Variants in C20orf96 observed in about 807,000 individuals in gnomAD.
The protein encoded by C20orf96 is chromosome 20 open reading frame 96.
Under a neutral mutation model 52.6 loss-of-function variants are expected in C20orf96, and 57 were observed. That is an observed-to-expected ratio of 1.08 (90% CI 0.88 to 1.35). C20orf96 has a LOEUF of 1.35. Among genes scored for constraint, C20orf96 ranks in the 40% most tolerant of loss-of-function variants. The pLI, the probability that C20orf96 is intolerant of heterozygous loss-of-function variation, is 0.00. For synonymous variants in C20orf96, 168 were observed against 157.2 expected (o/e 1.07, Z -0.51); for missense variants, 478 against 443.6 (o/e 1.08, Z -0.70).
rs1046604299 is a variant in C20orf96, at chr20:277,035, G to A, written c.825+9C>T. On this transcript the variant is annotated intron_variant, in intron 8 of 10. Transcript: ENST00000360321. ...GATCCCCGCTCCCACACAGCAACTG[G>A]CTACTCACCGCCACCACAGAACTCA... The A allele has an allele frequency of 6.2e-7, 1 of 1,611,594 alleles. No homozygotes were observed.
intron 3 of C20orf96, among the ~76,000 whole-genome samples, chr20:287,309 C>T (rs932933455): frequency 1.3e-5 from 2 of 152,214 alleles, no homozygotes; most frequent in African/African-American, 4.8e-5. Flanking sequence ...TCTGACGTCT[C>T]CTCTTTGCTA....
Position 271,043 on chromosome 20 carries a change from AAGGG to A in C20orf96, c.*160_*163del, listed in dbSNP as rs368225357. The A allele has an allele frequency of 2.1e-3, 1,085 of 508,120 alleles. 9 individuals are homozygous for A. The highest frequency in any genetic ancestry group is 0.015 in the East Asian group (393 of 26,030). The allele number at this position is 508,120 out of a possible 1,614,324, so 31.5% of individuals were successfully genotyped here. A position where few individuals can be genotyped will look rare whatever the true frequency, so the allele number is the denominator to read the frequency against. ...GGAGGAGGGAAGGGAAGGGGGGAAG[AAGGG>A]AGGGAGGGAGGGAGGGAAAGAAAGA... On this transcript the variant is annotated 3_prime_UTR_variant, in exon 11 of 11. Transcript: ENST00000360321.
At chr20:284,861 T>C (rs1473973620) in intron 3 of C20orf96, among the ~76,000 whole-genome samples, 2 of 152,080 alleles carry the variant, frequency 1.3e-5, no homozygotes, top group Admixed American at 6.6e-5. Flanking sequence ...TCAAAAAATA[T>C]ATATAATCAT....
chr20:276,204 C>G, intron 9 of C20orf96, 118 bp from the exon 10 acceptor site: 1 of 1,552,150 alleles, frequency 6.4e-7, no homozygotes, highest in Non-Finnish European at 8.7e-7. Flanking sequence ...GGTTCTGTCA[C>G]TGGGACTTGC....
At chr20:275,861 G>T in intron 10 of C20orf96, 107 bp downstream of exon 10, 1 of 1,065,824 alleles carries the variant, frequency 9.4e-7, no homozygotes, top group Non-Finnish European at 1.5e-6. Flanking sequence ...CTCCCTCCCT[G>T]TACAGGGTTC....
chr20:287,186 A>G (rs1316654586), intron 3 of C20orf96, among the ~76,000 whole-genome samples: 1 of 152,252 alleles, frequency 6.6e-6, no homozygotes, highest in Non-Finnish European at 1.5e-5. Context: ...GCCCAAGAGT[A>G]AAACTGCTGG....
rs1301799263 is a variant in C20orf96 at position 278,369 on chromosome 20, G to C, written c.526C>G (p.Leu176Val). The C allele has an allele frequency of 6.2e-7, 1 of 1,614,008 alleles. No homozygotes were observed. The highest frequency in any genetic ancestry group is 8.5e-7 in the Non-Finnish European group (1 of 1,179,934). The change falls in exon 6 of 11, where the codon CTT (leucine) becomes GTT (valine). Residue 176 changes from leucine (L) to valine (V), a missense_variant. Transcript: ENST00000360321. ...TTCTTCTTTTCTTCCCACTCCTGAA[G>C]CTCAGATTTCAATTGCTGCAGCCTC... is the stretch of plus-strand genomic sequence containing the variant. ...KKRLQQLKSE[L>V]QEWEEKKKCK...
At chr20:280,937 T>C (rs964298103) in intron 4 of C20orf96, among the ~76,000 whole-genome samples, 7 of 152,112 alleles carry the variant, frequency 4.6e-5, no homozygotes, top group Non-Finnish European at 8.8e-5. Context: ...GGAGGATCAC[T>C]CAAGGCCAGG....
At chr20:277,460 G>A in intron 6 of C20orf96, 77 bp from the exon 7 acceptor site, 1 of 1,504,180 alleles carries the variant, frequency 6.6e-7, no homozygotes, top group Non-Finnish European at 9.1e-7. Context: ...AGGAGGCCCA[G>A]GAGGCAAGGT....
At chr20:271,339 C>T in intron 10 of C20orf96, 72 bp from the exon 11 acceptor site, 1 of 1,274,424 alleles carries the variant, frequency 7.8e-7, no homozygotes, top group Non-Finnish European at 1.1e-6. Flanking sequence ...TCAGAGGAGC[C>T]CTGCTCTTTA....
At chr20:286,910 C>T (rs557452045) in intron 3 of C20orf96, among the ~76,000 whole-genome samples, 1 of 152,274 alleles carries the variant, frequency 6.6e-6, no homozygotes, top group South Asian at 2.1e-4. Flanking sequence ...TGGAATCATC[C>T]AGTATGTAAC....
At position 271,227 on chromosome 20, in the gene C20orf96, C is replaced by A; in HGVS notation, c.1072G>T (p.Glu358Ter). Residue 358 changes from glutamate to a stop codon, truncating the protein, a stop_gained, in exon 11 of 11, where the codon GAA (glutamate) becomes TAA (stop). Transcript: ENST00000360321. LOFTEE classifies it high-confidence loss of function. Reference protein sequence around the residue: ...DMDVILNIPVEEPLPF With the variant: ...DMDVILNIPV The stretch of plus-strand genomic sequence containing the variant: ...GCCATCTAGAAGGGTAGTGGCTCTT[C>A]CACAGGAATGTTGAGGATGACATCC... 1 of 1,556,196 alleles carries A rather than the reference C, an allele frequency of 6.4e-7. No individual in the cohort carries two copies. The highest frequency in any genetic ancestry group is 8.7e-7 in the Non-Finnish European group (1 of 1,149,462).
chr20:287,896 G>A (rs1004039707), intron 3 of C20orf96, among the ~76,000 whole-genome samples: 5 of 95,016 alleles, frequency 5.3e-5, no homozygotes, highest in East Asian at 7.2e-4. Context: ...GCAACAAAGC[G>A]AGACTCCTTC....
intron 10 of C20orf96, among the ~76,000 whole-genome samples, chr20:272,159 C>T (rs111499801): frequency 0.012 from 1,865 of 151,780 alleles, 21 homozygotes; most frequent in Middle Eastern, 0.031. Flanking sequence ...TTCATTATAT[C>T]ATTCTCTCTT....
chr20:284,206 T>C, intron 3 of C20orf96, 125 bp from the exon 4 acceptor site: 2 of 695,850 alleles, frequency 2.9e-6, no homozygotes, highest in Non-Finnish European at 5.1e-6. Flanking sequence ...GACTGCCTTA[T>C]AATGTGACAC....
intron 10 of C20orf96, among the ~76,000 whole-genome samples, chr20:275,158 G>T (rs2011977434): frequency 6.6e-6 from 1 of 152,202 alleles, no homozygotes; most frequent in Non-Finnish European, 1.5e-5. Flanking sequence ...CTACTCAGCA[G>T]CTCTGGGCTC....
intron 4 of C20orf96, among the ~76,000 whole-genome samples, chr20:281,096 C>T (rs2012242808): frequency 6.6e-6 from 1 of 152,100 alleles, no homozygotes; most frequent in African/African-American, 2.4e-5. Context: ...ATCGAGGCTG[C>T]AGTAAGTCAA....
intron 9 of C20orf96, 95 bp from the exon 10 acceptor site, chr20:276,181 G>C: frequency 6.3e-7 from 1 of 1,594,794 alleles, no homozygotes; most frequent in Non-Finnish European, 8.6e-7. Context: ...AAGCTATCTG[G>C]GGAAATGGTA....
intron 10 of C20orf96, 119 bp downstream of exon 10, chr20:275,849 C>T: frequency 1.1e-6 from 1 of 913,000 alleles, no homozygotes; most frequent in Non-Finnish European, 1.8e-6. Flanking sequence ...CCAGGACCGC[C>T]CCTCCCTCCC....
Sources: gnomAD v4.1 joint callset for allele counts (sites outside exome capture counted in the v4.1 genomes callset) on GRCh38, gnomAD v4.1.1 for gene constraint, MANE v1.5 for transcripts, NCBI Gene and HGNC (gene_info 2026-07-23, HGNC 2026-07-21) for gene names.